The following WDR27 variants were observed in gnomAD, a reference collection of about 807,000 sequenced individuals.
WDR27 encodes the protein WD repeat-containing protein 27.
Under a neutral mutation model 114.4 loss-of-function variants are expected in WDR27, and 100 were observed. The observed-to-expected ratio is 0.87, with a 90% CI of 0.74 to 1.03. WDR27 has a LOEUF of 1.03. WDR27 is among the 50% of genes least tolerant of loss of function. WDR27 has a pLI of 0.00. For missense variants in WDR27, 1,129 were observed against 1,092.9 expected, an observed-to-expected ratio of 1.03 and a Z score of -0.47; for synonymous variants, 449 against 423.1, an observed-to-expected ratio of 1.06 and a Z score of -0.75.
intron 25 of WDR27, among the ~76,000 whole-genome samples, chr6:169,483,053 A>G (rs1252761406): frequency 6.6e-6 from 1 of 152,224 alleles, no homozygotes; most frequent in Non-Finnish European, 1.5e-5. Flanking sequence ...AGGGAAATTT[A>G]TAGCACTAAA....
chr6:169,664,268 T>C lies in WDR27; in HGVS notation c.802A>G (p.Met268Val). 3 of 1,613,896 alleles carry C rather than the reference T, an allele frequency of 1.9e-6. No homozygotes were observed. Among genetic ancestry groups the C allele is most frequent in the Non-Finnish European group, 2.5e-6 (3 of 1,179,820 alleles). The change falls in exon 8 of 26, where the codon ATG (methionine) becomes GTG (valine). Residue 268 changes from methionine (M) to valine (V), a missense_variant. Physicochemically the swap from Met to Val is conservative, Grantham distance 21. Coordinates refer to ENST00000448612, the MANE Select transcript of WDR27 (RefSeq NM_182552.5). ...ADGQLWIFSL[M>V]DGHHYRRVAR... ...ACACGACGATAATGGTGTCCATCCA[T>C]CAAACTGAAGATCCAAAGCTACAAA...
chr6:169,690,590 A>T (rs1784230253), intron 1 of WDR27, among the ~76,000 whole-genome samples: 1 of 152,056 alleles, frequency 6.6e-6, no homozygotes, highest in Non-Finnish European at 1.5e-5. Flanking sequence ...ACACAATCTA[A>T]ACTATTTTGC....
chr6:169,499,117 A>C (rs1055433374), intron 25 of WDR27, among the ~76,000 whole-genome samples: 2 of 152,246 alleles, frequency 1.3e-5, no homozygotes, highest in Non-Finnish European at 2.9e-5. Flanking sequence ...GCGGAAACAG[A>C]CGCTGTATTT....
At chr6:169,509,108 C>T (rs1227664573) in intron 25 of WDR27, among the ~76,000 whole-genome samples, 1 of 152,102 alleles carries the variant, frequency 6.6e-6, no homozygotes, top group African/African-American at 2.4e-5. Context: ...AACTACAAAC[C>T]ACTGCTCAAT....
At chr6:169,427,257 G>A in the WDR27 span, among the ~76,000 whole-genome samples, 7 of 152,292 alleles carry the variant, frequency 4.6e-5, no homozygotes, top group South Asian at 1.2e-3. Context: ...TCTGAAAGAA[G>A]GGAGCAAAGT....
At chr6:169,443,027 T>C in the WDR27 span, among the ~76,000 whole-genome samples, 1 of 152,250 alleles carries the variant, frequency 6.6e-6, no homozygotes, top group Non-Finnish European at 1.5e-5. Context: ...GACAATGTGA[T>C]GAGCATTTAA....
intron 25 of WDR27, among the ~76,000 whole-genome samples, chr6:169,548,251 C>G (rs1463696189): frequency 1.6e-5 from 2 of 128,312 alleles, no homozygotes; most frequent in South Asian, 4.9e-4. Context: ...GGTGTCGGTT[C>G]TTCCCAATTC....
intron 24 of WDR27, among the ~76,000 whole-genome samples, chr6:169,579,285 T>C (rs1440430109): frequency 6.6e-6 from 1 of 152,214 alleles, no homozygotes; most frequent in Non-Finnish European, 1.5e-5. Context: ...CCTTAAGCCA[T>C]TTGTCAAAAC....
intron 2 of WDR27, among the ~76,000 whole-genome samples, chr6:169,675,096 A>T (rs1416332764): frequency 1.3e-5 from 2 of 152,206 alleles, no homozygotes; most frequent in African/African-American, 4.8e-5. Flanking sequence ...TGCAGGTCAC[A>T]GGGGATATGA....
At chr6:169,667,636 G>A (rs1283777619) in intron 5 of WDR27, among the ~76,000 whole-genome samples, 1 of 152,210 alleles carries the variant, frequency 6.6e-6, no homozygotes, top group African/African-American at 2.4e-5. Flanking sequence ...CTCATTTTGT[G>A]CCGACTGAAC....
chr6:169,603,465 T>C (rs1037639098), intron 22 of WDR27, among the ~76,000 whole-genome samples: 2 of 152,194 alleles, frequency 1.3e-5, no homozygotes, highest in Non-Finnish European at 2.9e-5. Flanking sequence ...AATCCTTCCA[T>C]TAAATGACAA....
chr6:169,546,878 G>A (rs573618790), intron 25 of WDR27, among the ~76,000 whole-genome samples: 1 of 152,244 alleles, frequency 6.6e-6, no homozygotes, highest in Non-Finnish European at 1.5e-5. Context: ...GTTTGTTAGA[G>A]ACAGTTTTTA....
chr6:169,487,672 T>C (rs183218913), intron 25 of WDR27, among the ~76,000 whole-genome samples: 1 of 152,350 alleles, frequency 6.6e-6, no homozygotes, highest in East Asian at 1.9e-4. Context: ...TAAGACTTTT[T>C]AAAAATATGG....
At chr6:169,547,398 CT>C (rs1797592064) in intron 25 of WDR27, among the ~76,000 whole-genome samples, 2 of 152,098 alleles carry the variant, frequency 1.3e-5, no homozygotes, top group South Asian at 4.1e-4. Flanking sequence ...ACTAATATTT[CT>C]CATGTAGACA....
chr6:169,431,816 CTTAGAA>C, the WDR27 span, among the ~76,000 whole-genome samples: 1 of 152,162 alleles, frequency 6.6e-6, no homozygotes, highest in Admixed American at 6.5e-5. Context: ...ATTTATTTTT[CTTAGAA>C]TTAAAGTAAA....
chr6:169,532,295 G>A (rs1209773732), intron 25 of WDR27, among the ~76,000 whole-genome samples: 1 of 151,832 alleles, frequency 6.6e-6, no homozygotes, highest in Non-Finnish European at 1.5e-5. Flanking sequence ...TACAAGATGA[G>A]ACATTAATAG....
At chr6:169,627,584 G>C (rs769199909) in intron 21 of WDR27, among the ~76,000 whole-genome samples, 1 of 152,192 alleles carries the variant, frequency 6.6e-6, no homozygotes, top group African/African-American at 2.4e-5. Context: ...TGAGGCTCCC[G>C]AGGCGAGCCA....
chr6:169,445,807 C>T, the WDR27 span, among the ~76,000 whole-genome samples: 5 of 152,342 alleles, frequency 3.3e-5, no homozygotes, highest in East Asian at 7.8e-4. Context: ...CGAGGCGGTG[C>T]TCCCAGCTCT....
At chr6:169,486,737 G>C (rs576066667) in intron 25 of WDR27, among the ~76,000 whole-genome samples, 1 of 152,056 alleles carries the variant, frequency 6.6e-6, no homozygotes, top group African/African-American at 2.4e-5. Context: ...TGATCCACCC[G>C]CCTCAGCCCC....
Sources: allele counts gnomAD v4.1 joint callset (sites outside exome capture counted in the v4.1 genomes callset), GRCh38; gene constraint gnomAD v4.1.1; transcripts MANE v1.5; gene names NCBI Gene and HGNC (gene_info 2026-07-23, HGNC 2026-07-21).